Variants in EYS observed in about 807,000 individuals in gnomAD.
EYS encodes the protein EGF-like photoreceptor maintenance factor.
In EYS, 250 loss-of-function variants were observed where a neutral mutation model predicts 282.1. The ratio of observed to expected loss-of-function variants is 0.89; its 90% CI spans 0.80 to 0.98. The LOEUF is 0.98. Ranked by LOEUF, EYS falls within the 50% of genes least tolerant of loss-of-function variation. The pLI, the probability that EYS is intolerant of heterozygous loss-of-function variation, is 0.00. For missense variants in EYS, 4,016 were observed against 3,709.0 expected (o/e 1.08, Z -2.15); for synonymous variants, 1,355 against 1,282.9 (o/e 1.06, Z -1.20).
intron 14 of EYS, among the ~76,000 whole-genome samples, chr6:64,946,169 T>C (rs1290382103): frequency 6.6e-6 from 1 of 152,058 alleles, no homozygotes; most frequent in Non-Finnish European, 1.5e-5. Context: ...TTATGCATTA[T>C]GCTCACAATG....
At chr6:64,881,203 T>C (rs1260746561) in intron 19 of EYS, among the ~76,000 whole-genome samples, 2 of 151,784 alleles carry the variant, frequency 1.3e-5, no homozygotes, top group Admixed American at 6.6e-5. Flanking sequence ...TTTGTACCCT[T>C]ATCATCATTT....
At chr6:65,031,604 A>C (rs1772607396) in intron 13 of EYS, among the ~76,000 whole-genome samples, 1 of 152,216 alleles carries the variant, frequency 6.6e-6, no homozygotes. Context: ...TTACATGGAA[A>C]TTAAACAACC....
At chr6:64,440,465 A>ATGTGTGTGTG (rs1180450416) in intron 26 of EYS, among the ~76,000 whole-genome samples, 8 of 151,858 alleles carry the variant, frequency 5.3e-5, no homozygotes, top group Admixed American at 5.3e-4. Context: ...GCATGAGTAT[A>ATGTGTGTGTG]TGTGTGTGTG....
chr6:65,454,327 A>T (rs76169397), intron 5 of EYS, among the ~76,000 whole-genome samples: 7,090 of 151,868 alleles, frequency 0.047, 460 homozygotes, highest in African/African-American at 0.14. Context: ...AGAAATGTAT[A>T]TTAAGTTTTT....
At chr6:65,438,816 C>G (rs1156630147) in intron 5 of EYS, among the ~76,000 whole-genome samples, 3 of 152,088 alleles carry the variant, frequency 2.0e-5, no homozygotes, top group African/African-American at 7.2e-5. Flanking sequence ...CCTGTTCACT[C>G]TGATGGTAGT....
At chr6:65,231,943 G>T (rs1263250177) in intron 12 of EYS, among the ~76,000 whole-genome samples, 3 of 151,920 alleles carry the variant, frequency 2.0e-5, no homozygotes, top group African/African-American at 7.2e-5. Flanking sequence ...ATAGCAATTA[G>T]TGAATCCAAT....
chr6:63,755,219 CTTTTG>C (rs1769446421), intron 41 of EYS, among the ~76,000 whole-genome samples: 1 of 152,164 alleles, frequency 6.6e-6, no homozygotes, highest in Non-Finnish European at 1.5e-5. Flanking sequence ...TCAATTTTGG[CTTTTG>C]TTGCCATTGC....
intron 12 of EYS, among the ~76,000 whole-genome samples, chr6:65,073,377 T>C (rs968421989): frequency 2.0e-5 from 3 of 151,716 alleles, no homozygotes; most frequent in Admixed American, 6.6e-5. Context: ...CACCCAAGAA[T>C]GCAAGAATTA....
chr6:64,768,267 A>G (rs919193565), intron 22 of EYS, among the ~76,000 whole-genome samples: 1 of 152,122 alleles, frequency 6.6e-6, no homozygotes, highest in Non-Finnish European at 1.5e-5. Flanking sequence ...TATTAAAAAT[A>G]AAATAGAACA....
At chr6:65,100,442 G>A (rs1427193298) in intron 12 of EYS, among the ~76,000 whole-genome samples, 1 of 150,554 alleles carries the variant, frequency 6.6e-6, no homozygotes, top group African/African-American at 2.4e-5. Flanking sequence ...GAATAAAAAA[G>A]AAAGTCAAGG....
At chr6:64,603,204 A>G (rs9452117) in intron 24 of EYS, among the ~76,000 whole-genome samples, 5,150 of 152,052 alleles carry the variant, frequency 0.034, 303 homozygotes, top group African/African-American at 0.12. Context: ...ACAGGACAAA[A>G]TAATTAGCCC....
intron 32 of EYS, among the ~76,000 whole-genome samples, chr6:64,068,833 T>C (rs1292239867): frequency 6.6e-6 from 1 of 152,070 alleles, no homozygotes; most frequent in African/African-American, 2.4e-5. Context: ...CATGTACTAA[T>C]TGGTGGAACT....
chr6:65,397,814 C>G (rs1766344259), intron 7 of EYS, among the ~76,000 whole-genome samples: 1 of 151,914 alleles, frequency 6.6e-6, no homozygotes, highest in African/African-American at 2.4e-5. Context: ...CTATTTTTAG[C>G]TCTTTGAGAA....
At chr6:64,879,066 T>A (rs1030370020) in intron 19 of EYS, among the ~76,000 whole-genome samples, 2 of 152,204 alleles carry the variant, frequency 1.3e-5, no homozygotes, top group African/African-American at 4.8e-5. Flanking sequence ...TTGAATTTTA[T>A]GTGTTGCCCT....
chr6:65,614,695 T>G (rs182700857), intron 2 of EYS, among the ~76,000 whole-genome samples: 45 of 152,102 alleles, frequency 3.0e-4, no homozygotes, highest in African/African-American at 1.0e-3. Context: ...AGTGGTTGCA[T>G]CAATTACAGC....
At chr6:65,526,741 G>A (rs1418575381) in intron 2 of EYS, among the ~76,000 whole-genome samples, 1 of 152,166 alleles carries the variant, frequency 6.6e-6, no homozygotes, top group Admixed American at 6.5e-5. Flanking sequence ...GGAAGGCGAA[G>A]CTTGCAGTGA....
At chr6:64,364,278 C>G (rs1429308830) in intron 29 of EYS, among the ~76,000 whole-genome samples, 7 of 151,856 alleles carry the variant, frequency 4.6e-5, no homozygotes, top group African/African-American at 1.2e-4. Context: ...GCTGTGTAAA[C>G]TTAGTTCAGT....
intron 19 of EYS, among the ~76,000 whole-genome samples, chr6:64,878,017 G>A (rs1324511090): frequency 6.6e-6 from 1 of 152,160 alleles, no homozygotes; most frequent in Non-Finnish European, 1.5e-5. Flanking sequence ...CAGATGACTT[G>A]AGGTCAGGAG....
intron 41 of EYS, among the ~76,000 whole-genome samples, chr6:63,761,925 G>T (rs1398420278): frequency 2.0e-5 from 3 of 152,050 alleles, no homozygotes; most frequent in African/African-American, 7.2e-5. Context: ...CTTAGCCACA[G>T]CCCAGCTTGG....
Sources: gnomAD v4.1 joint callset for allele counts (sites outside exome capture counted in the v4.1 genomes callset) on GRCh38, gnomAD v4.1.1 for gene constraint, MANE v1.5 for transcripts, NCBI Gene and HGNC (gene_info 2026-07-23, HGNC 2026-07-21) for gene names.